The following KANK3 variants were observed in gnomAD, a reference collection of about 807,000 sequenced individuals.
KANK3 encodes the protein KN motif and ankyrin repeat domains 3.
A neutral mutation model predicts 65.4 loss-of-function variants in KANK3; 61 were observed. That is an observed-to-expected ratio of 0.93 (90% CI 0.76 to 1.15). KANK3 has a LOEUF of 1.15. Among genes scored for constraint, KANK3 ranks in the 50% most tolerant of loss-of-function variants. KANK3 has a pLI of 0.00. For synonymous variants in KANK3, 586 were observed against 543.3 expected (o/e 1.08, Z -1.09); for missense variants, 1,187 against 1,178.8 (o/e 1.01, Z -0.10).
rs1459155483 is a variant in KANK3 at position 8,323,157 on chromosome 19, G to A, written c.2383-235C>T. 21 of 365,794 alleles carry A rather than the reference G, an allele frequency of 5.7e-5. No individual in the cohort carries two copies. In the East Asian group the frequency reaches 9.0e-4, roughly 16 times the overall value. The allele number at this position is 365,794 out of a possible 1,614,324, so 22.7% of individuals were successfully genotyped here. On this transcript the variant is annotated intron_variant, in intron 10 of 10. Coordinates refer to ENST00000330915, the MANE Select transcript of KANK3 (RefSeq NM_198471.3). ...TTTACAATGGGTTACATTCCGGTGAGTACATCATAGGTTGAAAGTATTGCA... is the reference window on the plus strand; with the variant it reads ...TTTACAATGGGTTACATTCCGGTGAATACATCATAGGTTGAAAGTATTGCA...
At chr19:8,331,196 AAAC>A (rs1378462606) in intron 7 of KANK3, among the ~76,000 whole-genome samples, 10 of 139,596 alleles carry the variant, frequency 7.2e-5, no homozygotes, top group Admixed American at 3.0e-4. Flanking sequence ...CTCCATATCA[AAAC>A]AACAACAACA....
In KANK3 at chr19:8,334,092, G is replaced by T; in HGVS notation, c.1452C>A (p.Asp484Glu). Reference protein sequence around the residue: ...NGEYESSSSEDASDSDGDSEN... With the variant: ...NGEYESSSSEEASDSDGDSEN... ...CGCTGTCGCCATCGCTGTCGCTGGC[G>T]TCCTCGCTGGAGGAGCTCTCGTACC... is the stretch of plus-strand genomic sequence containing the variant. Residue 484 changes from aspartate (D) to glutamate (E), a missense_variant, in exon 5 of 11, where the codon GAC (aspartate) becomes GAA (glutamate). Physicochemically the swap from Asp to Glu is conservative, Grantham distance 45. This residue lies in a region of KANK3 where 1,078 missense variants were observed against 1,038.2 expected (regional missense o/e 1.04). Transcript: ENST00000330915. 1.3e-6 allele frequency: 2 copies of T among 1,523,652 alleles called. No homozygotes were observed. Among genetic ancestry groups the T allele is most frequent in the Non-Finnish European group, 8.8e-7 (1 of 1,136,984 alleles). The allele number at this position is 1,523,652 out of a possible 1,614,324, so 94.4% of individuals were successfully genotyped here.
At chr19:8,325,166 T>C in intron 7 of KANK3, 70 bp from the exon 8 acceptor site, 2 of 1,501,006 alleles carry the variant, frequency 1.3e-6, no homozygotes, top group Non-Finnish European at 1.8e-6. Flanking sequence ...CTCACCTCCC[T>C]GCAAGCCTCG....
chr19:8,339,963 CAAAAAAAA>C (rs59020478), intron 1 of KANK3, among the ~76,000 whole-genome samples: 9 of 95,774 alleles, frequency 9.4e-5, no homozygotes, highest in African/African-American at 2.7e-4. Context: ...GACCTTGTCT[CAAAAAAAA>C]AAAAAAAAAA....
Position 8,333,833 on chromosome 19 carries a change from C to T in KANK3, c.1635-25G>A. On this transcript the variant is annotated intron_variant, in intron 5 of 10. Transcript: ENST00000330915. This position sits in a 1 kb window ranked among gnomAD's most constrained non-coding sequence, Gnocchi z 5.0. ...CCTGCAGAGGAGGCCAGGAGAGACTCAGGATGGATCGGGGACAGCGCCGAC... is the reference window on the plus strand; with the variant it reads ...CCTGCAGAGGAGGCCAGGAGAGACTTAGGATGGATCGGGGACAGCGCCGAC... 9 of 1,547,098 alleles carry T rather than the reference C, an allele frequency of 5.8e-6. No homozygotes were observed. Among genetic ancestry groups the T allele is most frequent in the Non-Finnish European group, 7.0e-6 (8 of 1,145,930 alleles).
Position 8,333,340 on chromosome 19 carries a change from C to A in KANK3, c.1720-110G>T. 1 of 889,352 alleles carries A rather than the reference C, an allele frequency of 1.1e-6. No homozygotes were observed. The highest frequency in any genetic ancestry group is 1.7e-6 in the Non-Finnish European group (1 of 593,050). 55.1% of individuals were successfully genotyped at this position (889,352 alleles called of 1,614,324 possible). A position where few individuals can be genotyped will look rare whatever the true frequency, so the allele number is the denominator to read the frequency against. ...AAGAGACCCATTTGGCGTTTCCAGG[C>A]AAGTAAGGAAGGTCACTCCTCGTCC... On this transcript the variant is annotated intron_variant, in intron 6 of 10. Transcript: ENST00000330915. This position sits in a 1 kb window ranked among gnomAD's most constrained non-coding sequence, Gnocchi z 5.0.
chr19:8,337,863 A>G lies in KANK3; in HGVS notation c.-28-7T>C. Reference sequence around the variant, plus strand: ...AGCAGCTGTCAGAGGCACCCTGCAAAAGGGGTGAAGGTGGGGCTGGGCGCT... The same window carrying G: ...AGCAGCTGTCAGAGGCACCCTGCAAGAGGGGTGAAGGTGGGGCTGGGCGCT... On this transcript the variant is annotated splice_region_variant and splice_polypyrimidine_tract_variant and intron_variant, in intron 1 of 10. Coordinates refer to ENST00000330915, the MANE Select transcript of KANK3 (RefSeq NM_198471.3). 1 of 1,613,024 alleles carries G rather than the reference A, an allele frequency of 6.2e-7. No individual in the cohort carries two copies. Among genetic ancestry groups the G allele is most frequent in the Non-Finnish European group, 8.5e-7 (1 of 1,179,940 alleles).
intron 1 of KANK3, among the ~76,000 whole-genome samples, chr19:8,341,310 C>G (rs1970721152): frequency 6.6e-6 from 1 of 150,852 alleles, no homozygotes; most frequent in African/African-American, 2.4e-5. Flanking sequence ...CTCACTGTGG[C>G]CTTGAACCCC....
At chr19:8,330,333 G>A (rs747755362) in intron 7 of KANK3, among the ~76,000 whole-genome samples, 19 of 152,266 alleles carry the variant, frequency 1.2e-4, no homozygotes, top group Non-Finnish European at 2.1e-4. Flanking sequence ...ACTGGCTCAC[G>A]CCTATAATAC....
At chr19:8,332,051 G>GTGCT (rs567636016) in intron 7 of KANK3, among the ~76,000 whole-genome samples, 104 of 138,110 alleles carry the variant, frequency 7.5e-4, no homozygotes, top group African/African-American at 2.6e-3. Context: ...GAGTGCAGTG[G>GTGCT]TGCTCACTCT....
intron 7 of KANK3, among the ~76,000 whole-genome samples, chr19:8,327,307 G>A (rs1390365022): frequency 1.3e-5 from 2 of 151,932 alleles, no homozygotes; most frequent in African/African-American, 2.4e-5. Context: ...TCTGAGGCCA[G>A]CCTGAGCAAC....
At chr19:8,331,850 T>C (rs1247532855) in intron 7 of KANK3, among the ~76,000 whole-genome samples, 1 of 152,092 alleles carries the variant, frequency 6.6e-6, no homozygotes, top group Non-Finnish European at 1.5e-5. Flanking sequence ...GCCAACCCCA[T>C]TTCACAAGCA....
intron 1 of KANK3, among the ~76,000 whole-genome samples, chr19:8,339,245 T>G (rs1445043187): frequency 2.0e-5 from 3 of 152,112 alleles, no homozygotes; most frequent in Non-Finnish European, 4.4e-5. Flanking sequence ...TCCAGAACTT[T>G]GGTTCAAAAA....
chr19:8,334,491 G>C lies in KANK3; in HGVS notation c.1327+9C>G. On this transcript the variant is annotated intron_variant, in intron 3 of 10. Transcript: ENST00000330915. ...TAAGCCAGGGCCCAGCGACGGGGTCGGGACTCACCCGCGGGCGCCACGGCC... is the reference window on the plus strand; with the variant it reads ...TAAGCCAGGGCCCAGCGACGGGGTCCGGACTCACCCGCGGGCGCCACGGCC... 6.2e-7 allele frequency: 1 copy of C among 1,606,760 alleles called. No individual in the cohort carries two copies. Among genetic ancestry groups the C allele is most frequent in the Non-Finnish European group, 8.5e-7 (1 of 1,179,644 alleles).
intron 7 of KANK3, among the ~76,000 whole-genome samples, chr19:8,328,348 T>A (rs1243473516): frequency 6.6e-6 from 1 of 151,168 alleles, no homozygotes; most frequent in East Asian, 1.9e-4. Context: ...CGTTTTTACT[T>A]GATAATCGTC....
At position 8,334,721 on chromosome 19, in the gene KANK3, C is replaced by G. The variant is rs1970596741; in HGVS notation, c.1106G>C (p.Ser369Thr). Residue 369 changes from serine (S) to threonine (T), a missense_variant, in exon 3 of 11, where the codon AGT becomes ACT. Around this residue, in one of 3 missense-constraint regions of KANK3, gnomAD observed 1,078 missense variants for 1,038.2 expected, o/e 1.04. Coordinates refer to ENST00000330915, the MANE Select transcript of KANK3 (RefSeq NM_198471.3). Reference protein sequence around the residue: ...RASLEHQRGVSELLRGRLREL... With the variant: ...RASLEHQRGVTELLRGRLREL... The stretch of plus-strand genomic sequence containing the variant: ...CCGCAACCGGCCCCGCAGAAGCTCA[C>G]TCACCCCGCGCTGGTGCTCCAGACT... 2 of 1,530,992 alleles carry G rather than the reference C, an allele frequency of 1.3e-6. No homozygotes were observed. Among genetic ancestry groups the G allele is most frequent in the Admixed American group, 3.9e-5 (2 of 50,866 alleles). The allele number at this position is 1,530,992 out of a possible 1,614,324, so 94.8% of individuals were successfully genotyped here.
intron 7 of KANK3, among the ~76,000 whole-genome samples, chr19:8,330,677 G>A (rs949177216): frequency 3.3e-5 from 5 of 151,452 alleles, no homozygotes; most frequent in Admixed American, 1.3e-4. Flanking sequence ...GCAGTGAGCC[G>A]AGATTGTGCC....
At chr19:8,330,327 G>A (rs796356101) in intron 7 of KANK3, among the ~76,000 whole-genome samples, 21 of 152,162 alleles carry the variant, frequency 1.4e-4, no homozygotes, top group African/African-American at 4.8e-4. Context: ...GGGCACACTG[G>A]CTCACGCCTA....
chr19:8,326,641 A>C (rs966285404), intron 7 of KANK3, among the ~76,000 whole-genome samples: 1 of 151,148 alleles, frequency 6.6e-6, no homozygotes, highest in Non-Finnish European at 1.5e-5. Context: ...CAAAAAAAAA[A>C]AAAAAATTAG....
Sources: allele counts gnomAD v4.1 joint callset (sites outside exome capture counted in the v4.1 genomes callset), GRCh38; gene constraint gnomAD v4.1.1; regional missense constraint gnomAD v4.1.1; non-coding constraint Gnocchi (gnomAD v3.1); transcripts MANE v1.5; gene names NCBI Gene and HGNC (gene_info 2026-07-23, HGNC 2026-07-21).